Variants in RRM1 observed in about 807,000 individuals in gnomAD.
RRM1 encodes the protein ribonucleotide reductase catalytic subunit M1.
Under a neutral mutation model 101.5 loss-of-function variants are expected in RRM1, and 19 were observed. That is an observed-to-expected ratio of 0.19 (90% CI 0.13 to 0.27). The LOEUF (loss-of-function observed/expected upper bound fraction) is 0.27, where lower values mean the gene tolerates loss of function less well. Ranked by LOEUF, RRM1 falls within the 10% of genes least tolerant of loss-of-function variation. RRM1 has a pLI of 1.00. For synonymous variants in RRM1, 298 were observed against 323.4 expected (o/e 0.92, Z 0.84); for missense variants, 500 against 962.9 (o/e 0.52, Z 6.36).
chr11:4,110,074 A>T (rs942297454), intron 5 of RRM1, among the ~76,000 whole-genome samples: 1 of 152,188 alleles, frequency 6.6e-6, no homozygotes, highest in Non-Finnish European at 1.5e-5. Context: ...TCTTATTAGC[A>T]AGTTATTTAA....
intron 10 of RRM1, 71 bp from the exon 11 acceptor site, chr11:4,122,070 G>A (rs1163368025): frequency 1.7e-6 from 2 of 1,160,908 alleles, no homozygotes; most frequent in Non-Finnish European, 2.5e-6. Context: ...CCTTATGCTT[G>A]CAGTGTTTCT....
At chr11:4,101,930 C>A in intron 1 of RRM1, 63 bp from the exon 2 acceptor site, 1 of 850,476 alleles carries the variant, frequency 1.2e-6, no homozygotes, top group Non-Finnish European at 2.0e-6. Context: ...GATTCTTTGA[C>A]ATTGTAGTCT....
intron 4 of RRM1, 90 bp from the exon 5 acceptor site, chr11:4,109,554 A>G: frequency 2.2e-6 from 2 of 901,812 alleles, no homozygotes; most frequent in East Asian, 2.6e-5. Flanking sequence ...TGTTGATTTT[A>G]GTTCTGGAGT....
intron 2 of RRM1, among the ~76,000 whole-genome samples, chr11:4,105,356 C>G (rs964523847): frequency 6.6e-6 from 1 of 151,808 alleles, no homozygotes; most frequent in Non-Finnish European, 1.5e-5. Context: ...TCAGCTTACC[C>G]TGTAGCTGCA....
At position 4,132,507 on chromosome 11, in the gene RRM1, A is replaced by C; in HGVS notation, c.1905+86A>C. On this transcript the variant is annotated intron_variant, in intron 16 of 18. Coordinates refer to ENST00000300738, the MANE Select transcript of RRM1 (RefSeq NM_001033.5). This position sits in a 1 kb window ranked among gnomAD's most constrained non-coding sequence, Gnocchi z 4.1. ...ATGCTCACTCATGTTTAATTTGCCC[A>C]TTTTCTTAGTTTGGGTGCAAACTTT... 1 of 1,453,740 alleles carries C rather than the reference A, an allele frequency of 6.9e-7. No individual in the cohort carries two copies. Among genetic ancestry groups the C allele is most frequent in the Non-Finnish European group, 9.4e-7 (1 of 1,059,156 alleles). The allele number at this position is 1,453,740 out of a possible 1,614,324, so 90.1% of individuals were successfully genotyped here. A position where few individuals can be genotyped will look rare whatever the true frequency, so the allele number is the denominator to read the frequency against.
Position 4,095,017 on chromosome 11 carries a change from A to T in RRM1, c.5A>T (p.His2Leu). The change falls in exon 1 of 19, where the codon CAT becomes CTT. Residue 2 changes from histidine (H) to leucine (L), a missense_variant. Physicochemically the swap from His to Leu is moderately conservative, Grantham distance 99. Around this residue, in one of 9 missense-constraint regions of RRM1, gnomAD observed 44 missense variants for 119.4 expected, o/e 0.37. Transcript: ENST00000300738. The stretch of plus-strand genomic sequence containing the variant: ...GAGCCTCAGCCACTAGCTGCGATGC[A>T]TGTGATCAAGCGAGGTGAGGGGGGG... M[H>L]VIKRDGRQER... 6.4e-7 allele frequency: 1 copy of T among 1,570,330 alleles called. No homozygotes were observed. The highest frequency in any genetic ancestry group is 8.6e-7 in the Non-Finnish European group (1 of 1,157,680).
Position 4,133,627 on chromosome 11 carries a change from A to C in RRM1, c.1970A>C (p.Asn657Thr). 1 of 1,611,444 alleles carries C rather than the reference A, an allele frequency of 6.2e-7. No individual in the cohort carries two copies. Among genetic ancestry groups the C allele is most frequent in the Non-Finnish European group, 8.5e-7 (1 of 1,178,048 alleles). Residue 657 changes from asparagine (N) to threonine (T), a missense_variant, in exon 17 of 19, where the codon AAC (asparagine) becomes ACC (threonine). Physicochemically the swap from Asn to Thr is moderately conservative, Grantham distance 65. Coordinates refer to ENST00000300738, the MANE Select transcript of RRM1 (RefSeq NM_001033.5). ...GGCCTATGGCATGAAGAGATGAAAA[A>C]CCAGATTATTGCATGCAATGGCTCT... The part of the protein sequence containing the change: ...ERGLWHEEMK[N>T]QIIACNGSIQ...
rs1350495100 is a variant in RRM1 at position 4,109,682 on chromosome 11, T to C, written c.426T>C (p.Ser142=). Residue 142 remains serine (S), a synonymous_variant, in exon 5 of 19, where the codon TCT becomes TCC. Transcript: ENST00000300738. ...NSAIIYDRDF[S]YNYFGFKTLE... ...CTATTATCTATGACCGAGATTTCTC[T>C]TACAATTACTTCGGCTTTAAGGTAA... 1 of 1,608,072 alleles carries C rather than the reference T, an allele frequency of 6.2e-7. No individual in the cohort carries two copies. Among genetic ancestry groups the C allele is most frequent in the African/African-American group, 1.3e-5 (1 of 74,806 alleles).
intron 3 of RRM1, 71 bp downstream of exon 3, chr11:4,106,294 T>A: frequency 7.4e-7 from 1 of 1,346,096 alleles, no homozygotes; most frequent in Non-Finnish European, 1.0e-6. Flanking sequence ...AAATAAATCT[T>A]GACTGTTTAA....
At chr11:4,100,936 C>T (rs546368033) in intron 1 of RRM1, among the ~76,000 whole-genome samples, 2 of 152,102 alleles carry the variant, frequency 1.3e-5, no homozygotes, top group Non-Finnish European at 2.9e-5. Context: ...AAATAAAGGT[C>T]GGATGAGCTA....
intron 1 of RRM1, chr11:4,099,581 G>A (rs1257941443): frequency 6.6e-6 from 1 of 152,100 alleles, no homozygotes; most frequent in Non-Finnish European, 1.5e-5. Flanking sequence ...GGCAGAGTAA[G>A]GTATAAGCAA....
chr11:4,138,340 G>A lies in RRM1; in HGVS notation c.2336G>A (p.Cys779Tyr). 6.2e-7 allele frequency: 1 copy of A among 1,611,524 alleles called. No homozygotes were observed. Among genetic ancestry groups the A allele is most frequent in the Non-Finnish European group, 8.5e-7 (1 of 1,179,006 alleles). The change falls in exon 19 of 19, where the codon TGC becomes TAC. Residue 779 changes from cysteine (C) to tyrosine (Y), a missense_variant. Coordinates refer to ENST00000300738, the MANE Select transcript of RRM1 (RefSeq NM_001033.5). ...EKERNTAAMVCSLENRDECLM... is the reference protein window; with the variant it reads ...EKERNTAAMVYSLENRDECLM... ...GAGAGGAACACAGCAGCCATGGTGT[G>A]CTCTTTGGAGAATAGAGATGAATGT... is the stretch of plus-strand genomic sequence containing the variant.
At chr11:4,095,087 G>T in intron 1 of RRM1, 56 bp downstream of exon 1, 1 of 1,543,416 alleles carries the variant, frequency 6.5e-7, no homozygotes, top group Non-Finnish European at 8.8e-7. Context: ...GGCTGCCGCC[G>T]CCGGAGCTGA....
At chr11:4,134,720 A>G (rs1413550985) in intron 17 of RRM1, among the ~76,000 whole-genome samples, 1 of 152,220 alleles carries the variant, frequency 6.6e-6, no homozygotes, top group African/African-American at 2.4e-5. Context: ...TGTTTTCTGC[A>G]AAACTCAAGG....
intron 2 of RRM1, among the ~76,000 whole-genome samples, chr11:4,103,588 C>T (rs1156817043): frequency 1.3e-5 from 2 of 152,080 alleles, no homozygotes; most frequent in Admixed American, 6.6e-5. Context: ...CATCTGTAAT[C>T]CCAGCACTTT....
chr11:4,136,891 G>C (rs1433749356), intron 18 of RRM1, among the ~76,000 whole-genome samples: 1 of 151,694 alleles, frequency 6.6e-6, no homozygotes, highest in Non-Finnish European at 1.5e-5. Flanking sequence ...AAGGTCTCTG[G>C]TTTTCCTAGG....
intron 6 of RRM1, 82 bp downstream of exon 6, chr11:4,111,722 C>G: frequency 7.7e-7 from 1 of 1,291,892 alleles, no homozygotes; most frequent in Middle Eastern, 2.6e-4. Flanking sequence ...TCTTAATATT[C>G]TTGCTTAGAC....
chr11:4,115,691 G>A (rs1238357693), intron 7 of RRM1, among the ~76,000 whole-genome samples: 1 of 152,000 alleles, frequency 6.6e-6, no homozygotes, highest in Non-Finnish European at 1.5e-5. Context: ...TGAGTAGCTG[G>A]GATTACAGGC....
chr11:4,116,885 C>G (rs921494108), intron 7 of RRM1, among the ~76,000 whole-genome samples: 2 of 151,020 alleles, frequency 1.3e-5, no homozygotes, highest in African/African-American at 2.4e-5. Flanking sequence ...GAGGATCGCT[C>G]GAGCCCAGGA....
Sources: gnomAD v4.1 joint callset for allele counts (sites outside exome capture counted in the v4.1 genomes callset) on GRCh38, gnomAD v4.1.1 for gene constraint, gnomAD v4.1.1 regional missense constraint, Gnocchi (gnomAD v3.1) non-coding constraint, MANE v1.5 for transcripts, NCBI Gene and HGNC (gene_info 2026-07-23, HGNC 2026-07-21) for gene names.